The following NCAM1 variants were observed in gnomAD, a reference collection of about 807,000 sequenced individuals.
The protein encoded by NCAM1 is neural cell adhesion molecule 1.
Under a neutral mutation model 109.8 loss-of-function variants are expected in NCAM1, and 14 were observed. The ratio of observed to expected loss-of-function variants is 0.13; its 90% CI spans 0.08 to 0.20. NCAM1 has a LOEUF of 0.20. Ranked by LOEUF, NCAM1 falls within the 10% of genes least tolerant of loss-of-function variation. NCAM1 has a pLI of 1.00. For missense variants in NCAM1, 774 were observed against 1,109.9 expected, an observed-to-expected ratio of 0.70 and a Z score of 4.30; for synonymous variants, 418 against 442.9, an observed-to-expected ratio of 0.94 and a Z score of 0.70.
At chr11:113,241,468 G>C (rs570009718) in intron 14 of NCAM1, among the ~76,000 whole-genome samples, 1 of 152,072 alleles carries the variant, frequency 6.6e-6, no homozygotes, top group African/African-American at 2.4e-5. Context: ...AGTCACCCAC[G>C]TCCCGCCACC....
chr11:113,116,552 T>A (rs1555094919), intron 1 of NCAM1, among the ~76,000 whole-genome samples: 2 of 152,250 alleles, frequency 1.3e-5, no homozygotes, highest in East Asian at 3.8e-4. Context: ...ACTGGAATCA[T>A]TTTAGCTTTG....
intron 1 of NCAM1, among the ~76,000 whole-genome samples, chr11:113,099,627 A>C (rs938587811): frequency 1.3e-5 from 2 of 152,242 alleles, no homozygotes; most frequent in Non-Finnish European, 1.5e-5. Flanking sequence ...AAAGAGGAAG[A>C]GCACTGGTTC....
chr11:113,252,308 T>A (rs1438645691), intron 15 of NCAM1, among the ~76,000 whole-genome samples: 1 of 150,252 alleles, frequency 6.7e-6, no homozygotes, highest in Non-Finnish European at 1.5e-5. Flanking sequence ...CCGGAGGCTG[T>A]GGTGAGTGAA....
At chr11:113,020,200 T>G (rs1362962074) in intron 1 of NCAM1, among the ~76,000 whole-genome samples, 9 of 152,220 alleles carry the variant, frequency 5.9e-5, no homozygotes, top group African/African-American at 1.9e-4. Flanking sequence ...TTACATTGCC[T>G]TTATGAAATC....
intron 1 of NCAM1, among the ~76,000 whole-genome samples, chr11:113,039,822 A>G (rs1352811926): frequency 1.3e-5 from 2 of 152,220 alleles, no homozygotes; most frequent in African/African-American, 2.4e-5. Flanking sequence ...CAAAAGTATT[A>G]TCATTTCAAC....
intron 1 of NCAM1, among the ~76,000 whole-genome samples, chr11:113,191,700 G>GAGAT (rs1316181152): frequency 6.6e-6 from 1 of 151,668 alleles, no homozygotes; most frequent in Non-Finnish European, 1.5e-5. Context: ...AAGATAGATA[G>GAGAT]AGATAGATAG....
At chr11:113,098,110 G>T (rs566154987) in intron 1 of NCAM1, among the ~76,000 whole-genome samples, 1 of 152,310 alleles carries the variant, frequency 6.6e-6, no homozygotes, top group Admixed American at 6.5e-5. Context: ...GATACTAAGT[G>T]ATCTAAGTGC....
intron 11 of NCAM1, 59 bp from the exon 12 acceptor site, chr11:113,232,659 T>C (rs1945045639): frequency 2.3e-6 from 3 of 1,312,794 alleles, no homozygotes; most frequent in Non-Finnish European, 3.3e-6. Flanking sequence ...TAAATAAAGA[T>C]CTGAGTCTGT....
intron 17 of NCAM1, chr11:113,265,058 A>AT (rs1171438255): frequency 5.3e-5 from 52 of 985,204 alleles, no homozygotes; most frequent in Non-Finnish European, 5.8e-5. Context: ...CCCTTTGCTC[A>AT]TTTTTGGACT....
chr11:113,124,227 G>T (rs533213283), intron 1 of NCAM1, among the ~76,000 whole-genome samples: 1 of 152,228 alleles, frequency 6.6e-6, no homozygotes, highest in African/African-American at 2.4e-5. Flanking sequence ...GAAGGAGGAA[G>T]GAGGGGCAAG....
At chr11:113,009,063 A>G (rs1195431580) in intron 1 of NCAM1, among the ~76,000 whole-genome samples, 1 of 152,166 alleles carries the variant, frequency 6.6e-6, no homozygotes, top group Admixed American at 6.5e-5. Flanking sequence ...TTCATGGAGA[A>G]TGTTAGTTAG....
chr11:113,275,360 G>A lies in NCAM1; in HGVS notation c.2550G>A (p.Gln850=). The change falls in exon 20 of 20, where the codon CAG becomes CAA. Residue 850 remains glutamine (Q), a synonymous_variant. Transcript: ENST00000316851. ...AGACGGTCCCCAATGACGCCACACAGACAAAGGAGAACGAGAGCAAAGCAT... is the reference window on the plus strand; with the variant it reads ...AGACGGTCCCCAATGACGCCACACAAACAAAGGAGAACGAGAGCAAAGCAT... The part of the protein sequence containing the change: ...EVKTVPNDAT[Q]TKENESKA 1 of 1,613,356 alleles carries A rather than the reference G, an allele frequency of 6.2e-7. No individual in the cohort carries two copies. The highest frequency in any genetic ancestry group is 8.5e-7 in the Non-Finnish European group (1 of 1,179,634).
At chr11:113,008,857 CACA>C (rs1192614789) in intron 1 of NCAM1, among the ~76,000 whole-genome samples, 1 of 152,174 alleles carries the variant, frequency 6.6e-6, no homozygotes, top group Non-Finnish European at 1.5e-5. Context: ...TGGTGATAGA[CACA>C]ACATCAGCAG....
chr11:113,002,190 G>T lies in NCAM1; in HGVS notation c.52+40526G>T, dbSNP rs147090060. On this transcript the variant is annotated intron_variant, in intron 1 of 19. Transcript: ENST00000316851. ...ATGGGCTGAAAATGGGGGAGCAGTT[G>T]TTTCCTCAGAGATACTGGCAAAGGA... 5.3e-5 allele frequency among the ~76,000 whole-genome samples: 8 copies of T among 152,320 alleles called. No homozygotes were observed. The East Asian group carries it at 1.2e-3, about 22-fold the overall frequency.
chr11:113,013,406 G>A (rs1209220052), intron 1 of NCAM1, among the ~76,000 whole-genome samples: 4 of 124,658 alleles, frequency 3.2e-5, no homozygotes, highest in East Asian at 2.4e-4. Context: ...CTGCCTGGGC[G>A]ACACAGCAAG....
At chr11:113,185,819 A>T (rs1943491837) in intron 1 of NCAM1, among the ~76,000 whole-genome samples, 1 of 152,174 alleles carries the variant, frequency 6.6e-6, no homozygotes, top group South Asian at 2.1e-4. Context: ...CTGTATGTAA[A>T]AATCACTTGA....
At chr11:113,027,800 T>G (rs548485329) in intron 1 of NCAM1, among the ~76,000 whole-genome samples, 5 of 152,230 alleles carry the variant, frequency 3.3e-5, no homozygotes, top group Non-Finnish European at 7.3e-5. Context: ...AGATTTTATT[T>G]CAATTTAAGG....
chr11:113,219,100 AGG>A (rs1565507505), intron 8 of NCAM1, among the ~76,000 whole-genome samples: 1 of 152,218 alleles, frequency 6.6e-6, no homozygotes, highest in Non-Finnish European at 1.5e-5. Context: ...TGACTGACAA[AGG>A]CCTATGAAGC....
At chr11:113,101,665 G>A (rs1939881517) in intron 1 of NCAM1, among the ~76,000 whole-genome samples, 1 of 152,158 alleles carries the variant, frequency 6.6e-6, no homozygotes, top group South Asian at 2.1e-4. Flanking sequence ...TTCAGAAAAT[G>A]TGATCAAAAC....
Sources: gnomAD v4.1 joint callset for allele counts (sites outside exome capture counted in the v4.1 genomes callset) on GRCh38, gnomAD v4.1.1 for gene constraint, MANE v1.5 for transcripts, NCBI Gene and HGNC (gene_info 2026-07-23, HGNC 2026-07-21) for gene names.